Variants in ADGRL3 observed in about 807,000 individuals in gnomAD.
ADGRL3 encodes the protein adhesion G protein-coupled receptor L3.
Under a neutral mutation model 153.5 loss-of-function variants are expected in ADGRL3, and 62 were observed. The observed-to-expected ratio is 0.40, with a 90% CI of 0.33 to 0.50. The LOEUF is 0.50. Ranked by LOEUF, ADGRL3 falls within the 20% of genes least tolerant of loss-of-function variation. The pLI, the probability that ADGRL3 is intolerant of heterozygous loss-of-function variation, is 0.47. For synonymous variants in ADGRL3, 710 were observed against 672.5 expected (o/e 1.06, Z -0.86); for missense variants, 1,641 against 1,859.4 (o/e 0.88, Z 2.16).
chr4:61,788,500 A>G (rs1055782918), intron 8 of ADGRL3, among the ~76,000 whole-genome samples: 6 of 152,166 alleles, frequency 3.9e-5, no homozygotes, highest in South Asian at 2.1e-4. Context: ...CACCACATCA[A>G]GGGATCACCC....
intron 9 of ADGRL3, among the ~76,000 whole-genome samples, chr4:61,891,025 T>C (rs1164507222): frequency 6.6e-6 from 1 of 152,184 alleles, no homozygotes; most frequent in African/African-American, 2.4e-5. Flanking sequence ...TTTTGAAATA[T>C]GTTATTGAAT....
intron 17 of ADGRL3, among the ~76,000 whole-genome samples, chr4:61,976,080 A>G (rs534196429): frequency 2.0e-5 from 3 of 152,302 alleles, no homozygotes; most frequent in Admixed American, 1.3e-4. Context: ...AATATTTTTT[A>G]TAGATTTTTT....
intron 2 of ADGRL3, among the ~76,000 whole-genome samples, chr4:61,429,271 A>C (rs2097326268): frequency 6.6e-6 from 1 of 152,220 alleles, no homozygotes; most frequent in South Asian, 2.1e-4. Flanking sequence ...GTAAATATTC[A>C]TATCTGAATC....
At chr4:61,754,315 A>G (rs1004404474) in intron 8 of ADGRL3, among the ~76,000 whole-genome samples, 3 of 152,180 alleles carry the variant, frequency 2.0e-5, no homozygotes, top group African/African-American at 7.2e-5. Context: ...AATCAACAAT[A>G]GTTTCCAAAT....
chr4:62,034,083 AG>A (rs1033594848), intron 23 of ADGRL3, among the ~76,000 whole-genome samples: 17 of 151,948 alleles, frequency 1.1e-4, no homozygotes, highest in African/African-American at 4.1e-4. Flanking sequence ...AAACAAATTT[AG>A]AGTTTTTAGT....
At chr4:61,638,396 G>A (rs1344119271) in intron 5 of ADGRL3, among the ~76,000 whole-genome samples, 2 of 152,160 alleles carry the variant, frequency 1.3e-5, no homozygotes, top group Non-Finnish European at 2.9e-5. Context: ...CACTGGGGTA[G>A]TAAGATATCC....
chr4:61,392,465 A>C (rs1027514179), intron 2 of ADGRL3, among the ~76,000 whole-genome samples: 2 of 151,446 alleles, frequency 1.3e-5, no homozygotes, highest in Non-Finnish European at 2.9e-5. Flanking sequence ...GGGAAGGCAG[A>C]TCACGAGGTC....
intron 8 of ADGRL3, among the ~76,000 whole-genome samples, chr4:61,799,041 C>CA (rs2097455283): frequency 6.4e-5 from 3 of 46,562 alleles, no homozygotes; most frequent in African/African-American, 2.4e-4. Context: ...ATATATATAC[C>CA]ATATATTGTA....
intron 17 of ADGRL3, among the ~76,000 whole-genome samples, chr4:61,976,598 AT>A (rs1248464081): frequency 6.6e-6 from 1 of 152,160 alleles, no homozygotes; most frequent in African/African-American, 2.4e-5. Context: ...AGAAGGTGAC[AT>A]TTGATAATTG....
chr4:61,767,397 A>C (rs1258510762), intron 8 of ADGRL3, among the ~76,000 whole-genome samples: 3 of 152,022 alleles, frequency 2.0e-5, no homozygotes, highest in Admixed American at 6.5e-5. Flanking sequence ...CACAACAGTT[A>C]TGGAGGCAAG....
chr4:61,725,063 A>G (rs536951416), intron 6 of ADGRL3, among the ~76,000 whole-genome samples: 2 of 152,302 alleles, frequency 1.3e-5, no homozygotes, highest in South Asian at 4.1e-4. Context: ...TGAAAATACC[A>G]TAGTGCCATT....
In ADGRL3 at chr4:61,786,146, A is replaced by G. The variant is rs557469422; in HGVS notation, c.1400-27663A>G. On this transcript the variant is annotated intron_variant, in intron 8 of 26. Transcript: ENST00000683033. ...GTTAGTTTCATGTTTCCACTGAACC[A>G]TACATTCTACATTCATGCTAATAGA... 1.0e-3 allele frequency among the ~76,000 whole-genome samples: 152 copies of G among 152,334 alleles called. No homozygotes were observed. In the Middle Eastern group the frequency reaches 0.017, roughly 17 times the overall value.
At chr4:61,237,978 G>A (rs752967739) in intron 1 of ADGRL3, among the ~76,000 whole-genome samples, 13 of 152,294 alleles carry the variant, frequency 8.5e-5, no homozygotes, top group South Asian at 2.1e-4. Flanking sequence ...TCCTGAGTTT[G>A]TGCTGTTATC....
intron 5 of ADGRL3, among the ~76,000 whole-genome samples, chr4:61,673,021 G>A (rs1024058620): frequency 8.6e-5 from 13 of 151,868 alleles, no homozygotes; most frequent in African/African-American, 3.1e-4. Context: ...GGAAACTCTT[G>A]TCATTTGTGA....
chr4:62,028,016 T>C (rs1719776773), intron 21 of ADGRL3, among the ~76,000 whole-genome samples: 1 of 151,844 alleles, frequency 6.6e-6, no homozygotes, highest in South Asian at 2.1e-4. Flanking sequence ...ACATCACAGT[T>C]GCAGCCTGTC....
At chr4:61,418,571 A>T (rs1386056988) in intron 2 of ADGRL3, among the ~76,000 whole-genome samples, 1 of 150,690 alleles carries the variant, frequency 6.6e-6, no homozygotes. Flanking sequence ...TCTCACTAAG[A>T]GCTTTGTTCT....
At chr4:61,370,574 A>G (rs1432295675) in intron 1 of ADGRL3, among the ~76,000 whole-genome samples, 2 of 152,124 alleles carry the variant, frequency 1.3e-5, no homozygotes, top group East Asian at 1.9e-4. Flanking sequence ...TTCTAGTTTG[A>G]TTGCACTGTG....
At chr4:61,898,111 A>C (rs773504978) in intron 11 of ADGRL3, among the ~76,000 whole-genome samples, 1 of 151,974 alleles carries the variant, frequency 6.6e-6, no homozygotes. Flanking sequence ...AAGCGACCCC[A>C]CTGGCCAAAC....
At chr4:61,447,376 C>T (rs1315698112) in intron 2 of ADGRL3, among the ~76,000 whole-genome samples, 2 of 135,818 alleles carry the variant, frequency 1.5e-5, no homozygotes, top group African/African-American at 5.3e-5. Context: ...AGATAATCAT[C>T]AGCCAGGTTT....
Sources: gnomAD v4.1 joint callset for allele counts (sites outside exome capture counted in the v4.1 genomes callset) on GRCh38, gnomAD v4.1.1 for gene constraint, MANE v1.5 for transcripts, NCBI Gene and HGNC (gene_info 2026-07-23, HGNC 2026-07-21) for gene names.